The following PPM1E variants were observed in gnomAD, a reference collection of about 807,000 sequenced individuals.
The protein encoded by PPM1E is protein phosphatase, Mg2+/Mn2+ dependent 1E.
A neutral mutation model predicts 65.9 loss-of-function variants in PPM1E; 20 were observed. That is an observed-to-expected ratio of 0.30 (90% CI 0.21 to 0.44). The LOEUF (loss-of-function observed/expected upper bound fraction) is 0.44, where lower values mean the gene tolerates loss of function less well. PPM1E is among the 20% of genes least tolerant of loss of function. The pLI, the probability that PPM1E is intolerant of heterozygous loss-of-function variation, is 1.00. For synonymous variants in PPM1E, 352 were observed against 374.9 expected (o/e 0.94, Z 0.70); for missense variants, 713 against 953.1 (o/e 0.75, Z 3.32).
At chr17:58,930,254 C>T (rs536278130) in intron 1 of PPM1E, among the ~76,000 whole-genome samples, 4,519 of 143,748 alleles carry the variant, frequency 0.031, 76 homozygotes, top group African/African-American at 0.052. Flanking sequence ...TGTATATACA[C>T]ACACACACAC....
intron 1 of PPM1E, among the ~76,000 whole-genome samples, chr17:58,863,171 A>G (rs1317103254): frequency 6.6e-6 from 1 of 152,148 alleles, no homozygotes; most frequent in Non-Finnish European, 1.5e-5. Context: ...GAGGTTAAAA[A>G]TCCTCTTTGT....
At chr17:58,937,423 C>T (rs947476896) in intron 1 of PPM1E, among the ~76,000 whole-genome samples, 5 of 150,286 alleles carry the variant, frequency 3.3e-5, no homozygotes, top group Admixed American at 6.6e-5. Context: ...GCCACCACGC[C>T]CATCTAATTT....
chr17:58,892,990 T>A (rs2051366818), intron 1 of PPM1E, among the ~76,000 whole-genome samples: 1 of 152,132 alleles, frequency 6.6e-6, no homozygotes, highest in Non-Finnish European at 1.5e-5. Context: ...CAACAAAAAC[T>A]CTCATTCATT....
At chr17:58,880,033 G>T (rs1327126731) in intron 1 of PPM1E, among the ~76,000 whole-genome samples, 3 of 152,166 alleles carry the variant, frequency 2.0e-5, no homozygotes, top group Non-Finnish European at 4.4e-5. Flanking sequence ...AAGACCCAAA[G>T]AAGCAGTTAC....
chr17:58,797,094 A>G (rs1169859096), intron 1 of PPM1E, among the ~76,000 whole-genome samples: 2 of 152,166 alleles, frequency 1.3e-5, no homozygotes, highest in Non-Finnish European at 2.9e-5. Context: ...GACAGGAGCG[A>G]AACTCCATCT....
chr17:58,914,716 T>C (rs1351857008), intron 1 of PPM1E, among the ~76,000 whole-genome samples: 1 of 152,190 alleles, frequency 6.6e-6, no homozygotes, highest in South Asian at 2.1e-4. Flanking sequence ...TATGATGTGG[T>C]GAGTCCAGCA....
chr17:58,768,471 A>G (rs1262477755), intron 1 of PPM1E, among the ~76,000 whole-genome samples: 1 of 152,068 alleles, frequency 6.6e-6, no homozygotes, highest in Non-Finnish European at 1.5e-5. Context: ...TTCCCTGACT[A>G]ACTAGAATAA....
At chr17:58,816,734 G>T (rs1598588730) in intron 1 of PPM1E, among the ~76,000 whole-genome samples, 2 of 108,912 alleles carry the variant, frequency 1.8e-5, no homozygotes, top group Admixed American at 1.2e-4. Flanking sequence ...GCATGTATCA[G>T]AATATAAATA....
At chr17:58,936,043 C>A (rs2051976026) in intron 1 of PPM1E, among the ~76,000 whole-genome samples, 1 of 151,436 alleles carries the variant, frequency 6.6e-6, no homozygotes, top group Admixed American at 6.6e-5. Flanking sequence ...GAACCCCAAA[C>A]CCAGAACTGC....
chr17:58,967,338 AATG>A (rs1413201235), intron 3 of PPM1E, among the ~76,000 whole-genome samples: 6 of 152,150 alleles, frequency 3.9e-5, no homozygotes, highest in South Asian at 2.1e-4. Flanking sequence ...CATGAAAGGG[AATG>A]ATAACTATGA....
intron 6 of PPM1E, among the ~76,000 whole-genome samples, chr17:58,973,145 C>T (rs879263527): frequency 1.3e-5 from 2 of 152,196 alleles, no homozygotes; most frequent in Non-Finnish European, 2.9e-5. Context: ...CTGCCAGGCT[C>T]AGTGGCTCAT....
intron 1 of PPM1E, among the ~76,000 whole-genome samples, chr17:58,907,300 C>T (rs2051570734): frequency 6.6e-6 from 1 of 151,408 alleles, no homozygotes; most frequent in Admixed American, 6.6e-5. Context: ...GGGGATTTTC[C>T]AATTATCTTT....
At chr17:58,921,664 CAA>C (rs1219765618) in intron 1 of PPM1E, among the ~76,000 whole-genome samples, 67 of 84,114 alleles carry the variant, frequency 8.0e-4, no homozygotes, top group Middle Eastern at 8.1e-3. Context: ...GACTCTATCT[CAA>C]AAAAAAAAAA....
chr17:58,863,745 A>G (rs1410342915), intron 1 of PPM1E, among the ~76,000 whole-genome samples: 1 of 152,146 alleles, frequency 6.6e-6, no homozygotes, highest in Non-Finnish European at 1.5e-5. Flanking sequence ...AAGGGGATGG[A>G]GTGGGAAAGT....
chr17:58,901,608 G>C (rs536194955), intron 1 of PPM1E, among the ~76,000 whole-genome samples: 3 of 152,088 alleles, frequency 2.0e-5, no homozygotes, highest in African/African-American at 7.2e-5. Context: ...CTGGGAGGCC[G>C]AGGTTGCAGT....
intron 2 of PPM1E, 23 bp from the exon 3 acceptor site, chr17:58,965,671 G>A (rs1459861142): frequency 1.2e-6 from 2 of 1,607,426 alleles, no homozygotes; most frequent in Admixed American, 1.7e-5. Flanking sequence ...TCTTCATTGG[G>A]GGTTTCTGTG....
chr17:58,764,496 C>T (rs893936531), intron 1 of PPM1E, among the ~76,000 whole-genome samples: 3 of 151,994 alleles, frequency 2.0e-5, no homozygotes, highest in Non-Finnish European at 4.4e-5. Flanking sequence ...AGTGCAGTGG[C>T]GTGAACACAC....
chr17:58,758,207 A>G (rs1226056808), intron 1 of PPM1E, among the ~76,000 whole-genome samples: 1 of 151,958 alleles, frequency 6.6e-6, no homozygotes, highest in African/African-American at 2.4e-5. Flanking sequence ...TAACTTATTT[A>G]AAGATGATGG....
intron 1 of PPM1E, among the ~76,000 whole-genome samples, chr17:58,811,828 G>C (rs931848500): frequency 1.3e-5 from 2 of 151,928 alleles, no homozygotes; most frequent in Non-Finnish European, 2.9e-5. Flanking sequence ...GTGCCACCAT[G>C]CCCAGATAAT....
Sources: gnomAD v4.1 joint callset for allele counts (sites outside exome capture counted in the v4.1 genomes callset) on GRCh38, gnomAD v4.1.1 for gene constraint, MANE v1.5 for transcripts, NCBI Gene and HGNC (gene_info 2026-07-23, HGNC 2026-07-21) for gene names.